SPATC1L: variants seen among roughly 807,000 people sequenced by gnomAD.
SPATC1L encodes the protein spermatogenesis and centriole associated 1 like.
SPATC1L carries 20 observed loss-of-function variants against 21.2 expected under a neutral mutation model. The ratio of observed to expected loss-of-function variants is 0.94; its 90% CI spans 0.66 to 1.37. The LOEUF (loss-of-function observed/expected upper bound fraction) is 1.37. SPATC1L is among the 40% of genes most tolerant of loss of function. The pLI, the probability that SPATC1L is intolerant of heterozygous loss-of-function variation, is 0.00. For synonymous variants in SPATC1L, 290 were observed against 234.5 expected (o/e 1.24, Z -2.16); for missense variants, 499 against 478.7 (o/e 1.04, Z -0.40).
chr21:46,170,585 GTCC>G (rs1262098219), intron 2 of SPATC1L, among the ~76,000 whole-genome samples: 864 of 98,470 alleles, frequency 8.8e-3, no homozygotes, highest in East Asian at 0.016. Context: ...ATCCTCTGTG[GTCC>G]AGGAGGAGCC....
intron 4 of SPATC1L, 68 bp from the exon 5 acceptor site, chr21:46,161,773 G>A (rs1053576591): frequency 1.4e-5 from 21 of 1,490,850 alleles, no homozygotes; most frequent in Middle Eastern, 4.8e-4. Flanking sequence ...CCAGGCCCAG[G>A]GCCGATCCCT....
rs756715175 is a variant in SPATC1L, at chr21:46,161,639, G to A, written c.763C>T (p.Leu255=). Residue 255 remains leucine, a synonymous_variant, in exon 5 of 5, where the codon CTG becomes TTG. Transcript: ENST00000291672. ...TTCTCCAGGCGCGCGCTCAGGGCCA[G>A]GTAGCGCTGCGTCAGCTCGCGCAGC... ...RKLRELTQRY[L]ALSARLEKLG... 4 of 1,610,360 alleles carry A rather than the reference G, an allele frequency of 2.5e-6. No individual in the cohort carries two copies. The highest frequency in any genetic ancestry group is 1.1e-5 in the South Asian group (1 of 90,788).
intron 3 of SPATC1L, among the ~76,000 whole-genome samples, chr21:46,164,794 G>GAAAAAAAAAAAAA (rs72042671): frequency 3.5e-5 from 3 of 86,468 alleles, no homozygotes; most frequent in Non-Finnish European, 4.9e-5. Context: ...TCCATCTCAA[G>GAAAAAAAAAAAAA]AAAAAAAAAA....
intron 3 of SPATC1L, among the ~76,000 whole-genome samples, chr21:46,165,048 G>A (rs1429349465): frequency 6.6e-6 from 1 of 152,184 alleles, no homozygotes; most frequent in Non-Finnish European, 1.5e-5. Flanking sequence ...GCAGAAATTA[G>A]AGATGCCACT....
At chr21:46,165,325 T>C (rs758839928) in intron 3 of SPATC1L, among the ~76,000 whole-genome samples, 1 of 152,222 alleles carries the variant, frequency 6.6e-6, no homozygotes, top group Non-Finnish European at 1.5e-5. Context: ...AAGAATCTTA[T>C]CATGATTTCC....
chr21:46,172,178 A>G (rs2123640290), intron 2 of SPATC1L, among the ~76,000 whole-genome samples: 1 of 142,718 alleles, frequency 7.0e-6, no homozygotes, highest in African/African-American at 2.7e-5. Context: ...GGATGCACAG[A>G]GCGTGAGGCG....
intron 2 of SPATC1L, among the ~76,000 whole-genome samples, chr21:46,180,118 C>T (rs2079661193): frequency 2.0e-5 from 3 of 152,240 alleles, no homozygotes; most frequent in Admixed American, 2.0e-4. Flanking sequence ...AGGCCACCCA[C>T]GGCGGCGGCG....
In SPATC1L at chr21:46,161,355, G is replaced by T; in HGVS notation, c.*24C>A. 1 of 1,491,376 alleles carries T rather than the reference G, an allele frequency of 6.7e-7. No individual in the cohort carries two copies. The allele number at this position is 1,491,376 out of a possible 1,614,324, so 92.4% of individuals were successfully genotyped here. ...GTTGGAACAAACGCGTTTACTGCAGGCAAGGCGGCGGGCGCGGGGCGGCTC... is the reference window on the plus strand; with the variant it reads ...GTTGGAACAAACGCGTTTACTGCAGTCAAGGCGGCGGGCGCGGGGCGGCTC... On this transcript the variant is annotated 3_prime_UTR_variant, in exon 5 of 5. Coordinates refer to ENST00000291672, the MANE Select transcript of SPATC1L (RefSeq NM_001142854.2).
At chr21:46,166,449 A>G (rs1423786292) in intron 3 of SPATC1L, among the ~76,000 whole-genome samples, 1 of 152,164 alleles carries the variant, frequency 6.6e-6, no homozygotes, top group Admixed American at 6.6e-5. Flanking sequence ...CTTTGAATGT[A>G]AATAGACTAA....
rs569570133 is a variant in SPATC1L, at chr21:46,182,033, G to A, written c.193+591C>T. 3.3e-5 allele frequency among the ~76,000 whole-genome samples: 5 copies of A among 152,312 alleles called. No homozygotes were observed. In the South Asian group the frequency reaches 1.0e-3, roughly 32 times the overall value. The stretch of plus-strand genomic sequence containing the variant: ...CAGAAGGTCGGAGTCAATGCTATGT[G>A]GTGAGTGGATCATGGCTCCACACTC... On this transcript the variant is annotated intron_variant, in intron 2 of 4. Transcript: ENST00000291672.
At position 46,182,904 on chromosome 21, in the gene SPATC1L, C is replaced by T; in HGVS notation, c.-88G>A. 1.5e-6 allele frequency: 2 copies of T among 1,356,512 alleles called. No homozygotes were observed. Among genetic ancestry groups the T allele is most frequent in the Non-Finnish European group, 1.9e-6 (2 of 1,026,156 alleles). 84.0% of individuals were successfully genotyped at this position (1,356,512 alleles called of 1,614,324 possible). On this transcript the variant is annotated 5_prime_UTR_variant, in exon 2 of 5. Transcript: ENST00000291672. The stretch of plus-strand genomic sequence containing the variant: ...GCCCGCAGGCACCACAGAAACAGCC[C>T]AGGCACGGAGTTCCGTAGCCACCAC...
At chr21:46,174,039 T>A (rs2079611519) in intron 2 of SPATC1L, among the ~76,000 whole-genome samples, 1 of 152,106 alleles carries the variant, frequency 6.6e-6, no homozygotes, top group Non-Finnish European at 1.5e-5. Context: ...CTCAAGGTCA[T>A]CAAACAGACC....
intron 3 of SPATC1L, among the ~76,000 whole-genome samples, chr21:46,164,590 G>A (rs62214045): frequency 1.3e-5 from 2 of 151,944 alleles, no homozygotes; most frequent in South Asian, 2.1e-4. Context: ...TCAGGAGTTC[G>A]AGACCAGCTT....
At chr21:46,162,374 G>C (rs537893637) in intron 3 of SPATC1L, among the ~76,000 whole-genome samples, 2 of 152,072 alleles carry the variant, frequency 1.3e-5, no homozygotes, top group South Asian at 4.1e-4. Context: ...CGGCCCCTGC[G>C]AGGACAGAGG....
chr21:46,177,310 G>C (rs937708684), intron 2 of SPATC1L, among the ~76,000 whole-genome samples: 1 of 152,112 alleles, frequency 6.6e-6, no homozygotes, highest in African/African-American at 2.4e-5. Flanking sequence ...ACTATCAACA[G>C]AGTAAACAGC....
In SPATC1L at chr21:46,183,087, C is replaced by G. The variant is rs1448707419; in HGVS notation, c.-271G>C. 2.1e-6 allele frequency: 1 copy of G among 468,100 alleles called. No individual in the cohort carries two copies. Among genetic ancestry groups the G allele is most frequent in the African/African-American group, 2.0e-5 (1 of 49,518 alleles). The allele number at this position is 468,100 out of a possible 1,614,324, so 29.0% of individuals were successfully genotyped here. A position where few individuals can be genotyped will look rare whatever the true frequency, so the allele number is the denominator to read the frequency against. Reference sequence around the variant, plus strand: ...ACATTATGACCAGGGCCCGAGAATGCCAAGGACATTAGGCAGCTACGGGAT... The same window carrying G: ...ACATTATGACCAGGGCCCGAGAATGGCAAGGACATTAGGCAGCTACGGGAT... On this transcript the variant is annotated 5_prime_UTR_variant, in exon 2 of 5. Coordinates refer to ENST00000291672, the MANE Select transcript of SPATC1L (RefSeq NM_001142854.2).
At chr21:46,165,824 T>G (rs1055532220) in intron 3 of SPATC1L, among the ~76,000 whole-genome samples, 10 of 152,228 alleles carry the variant, frequency 6.6e-5, no homozygotes, top group Non-Finnish European at 1.5e-4. Context: ...AATAAACCTT[T>G]ATCGAATTAT....
At chr21:46,166,310 G>A (rs2079539692) in intron 3 of SPATC1L, among the ~76,000 whole-genome samples, 1 of 151,922 alleles carries the variant, frequency 6.6e-6, no homozygotes, top group African/African-American at 2.4e-5. Context: ...AGGTTGCAGT[G>A]AGCCAAGATT....
At chr21:46,164,493 C>A (rs1223225098) in intron 3 of SPATC1L, among the ~76,000 whole-genome samples, 1 of 152,094 alleles carries the variant, frequency 6.6e-6, no homozygotes, top group African/African-American at 2.4e-5. Flanking sequence ...GTATTTCTCT[C>A]ATCAAGAATC....
Sources: gnomAD v4.1 joint callset for allele counts (sites outside exome capture counted in the v4.1 genomes callset) on GRCh38, gnomAD v4.1.1 for gene constraint, MANE v1.5 for transcripts, NCBI Gene and HGNC (gene_info 2026-07-23, HGNC 2026-07-21) for gene names.